The following CDK14 variants were observed in gnomAD, a reference collection of about 807,000 sequenced individuals.
CDK14 encodes the protein cyclin dependent kinase 14.
CDK14 carries 34 observed loss-of-function variants against 60.7 expected under a neutral mutation model. That is an observed-to-expected ratio of 0.56 (90% CI 0.43 to 0.75). The LOEUF (loss-of-function observed/expected upper bound fraction) is 0.75, where lower values mean the gene tolerates loss of function less well. Among genes scored for constraint, CDK14 ranks in the 30% least tolerant of loss-of-function variants. The probability of loss-of-function intolerance (pLI) is 0.00; values close to 1 mark genes in which losing one functional copy is unlikely to be tolerated. For missense variants in CDK14, 482 were observed against 564.1 expected (o/e 0.85, Z 1.47); for synonymous variants, 197 against 203.7 (o/e 0.97, Z 0.28).
intron 2 of CDK14, among the ~76,000 whole-genome samples, chr7:90,698,498 A>C (rs889265757): frequency 3.9e-5 from 6 of 152,212 alleles, no homozygotes; most frequent in Admixed American, 3.9e-4. Context: ...TGAGTCACCA[A>C]ATTTTAATAA....
chr7:90,672,686 A>T (rs1349341612), intron 2 of CDK14, among the ~76,000 whole-genome samples: 2 of 151,240 alleles, frequency 1.3e-5, no homozygotes, highest in Non-Finnish European at 2.9e-5. Flanking sequence ...CATCTGGCTA[A>T]TTTTTTATTT....
chr7:90,936,057 A>AAAG (rs1006872883), intron 8 of CDK14, among the ~76,000 whole-genome samples: 6 of 152,028 alleles, frequency 3.9e-5, no homozygotes, highest in Non-Finnish European at 5.9e-5. Flanking sequence ...AAAAAAGAAA[A>AAAG]AAGAAGAAGA....
In CDK14 at chr7:90,706,379, T is replaced by G. The variant is rs1249175309; in HGVS notation, c.124-20188T>G. Among the ~76,000 whole-genome samples, 2 of 152,178 alleles carry G rather than the reference T, an allele frequency of 1.3e-5. 1 individual carries two copies. Among genetic ancestry groups the G allele is most frequent in the South Asian group, 4.1e-4 (2 of 4,834 alleles). ...TACCCATCCATTTCCACTCTACATA[T>G]GTCCACAGAATTTGTTTGAACTTCT... On this transcript the variant is annotated intron_variant, in intron 2 of 14. Transcript: ENST00000380050.
At chr7:90,759,034 T>G (rs1485224992) in intron 4 of CDK14, among the ~76,000 whole-genome samples, 4 of 142,602 alleles carry the variant, frequency 2.8e-5, no homozygotes, top group African/African-American at 1.1e-4. Flanking sequence ...CCAGCCTGGG[T>G]GACAGAGCGA....
At chr7:90,927,272 C>A (rs1793447441) in intron 8 of CDK14, among the ~76,000 whole-genome samples, 1 of 152,112 alleles carries the variant, frequency 6.6e-6, no homozygotes, top group African/African-American at 2.4e-5. Context: ...CATCCTGAAC[C>A]TATCTAGGGG....
intron 4 of CDK14, among the ~76,000 whole-genome samples, chr7:90,761,201 A>T (rs1218716982): frequency 1.3e-5 from 2 of 152,212 alleles, no homozygotes; most frequent in Non-Finnish European, 2.9e-5. Context: ...TCTCTTAGCC[A>T]TGTTTATTAT....
At chr7:90,877,305 A>T (rs1791594828) in intron 6 of CDK14, among the ~76,000 whole-genome samples, 1 of 152,194 alleles carries the variant, frequency 6.6e-6, no homozygotes, top group Non-Finnish European at 1.5e-5. Context: ...CAGTGTTCTG[A>T]GTTAACATTC....
At chr7:90,778,990 C>A (rs566618816) in intron 4 of CDK14, among the ~76,000 whole-genome samples, 1 of 151,520 alleles carries the variant, frequency 6.6e-6, no homozygotes, top group East Asian at 1.9e-4. Context: ...CGGTGGCTCA[C>A]GTCTGTAATC....
intron 5 of CDK14, among the ~76,000 whole-genome samples, chr7:90,846,301 C>T (rs891626374): frequency 1.3e-5 from 2 of 152,130 alleles, no homozygotes; most frequent in Non-Finnish European, 2.9e-5. Flanking sequence ...TTCTCCATTG[C>T]TCTAATATTT....
At chr7:90,846,781 C>T (rs1420264860) in intron 5 of CDK14, among the ~76,000 whole-genome samples, 1 of 152,070 alleles carries the variant, frequency 6.6e-6, no homozygotes, top group Non-Finnish European at 1.5e-5. Context: ...GGATGAAAAT[C>T]ACCTGAATAA....
At chr7:90,717,763 G>C (rs1802300865) in intron 2 of CDK14, among the ~76,000 whole-genome samples, 1 of 151,964 alleles carries the variant, frequency 6.6e-6, no homozygotes, top group African/African-American at 2.4e-5. Context: ...CTTATAATTA[G>C]TAAAACAATC....
chr7:91,028,810 G>A (rs909143897), intron 10 of CDK14, among the ~76,000 whole-genome samples: 1 of 151,988 alleles, frequency 6.6e-6, no homozygotes, highest in African/African-American at 2.4e-5. Context: ...TTTGCTGGCT[G>A]TCTTGTTGGA....
At chr7:90,662,631 G>A (rs1356236435) in intron 2 of CDK14, among the ~76,000 whole-genome samples, 1 of 152,216 alleles carries the variant, frequency 6.6e-6, no homozygotes, top group East Asian at 1.9e-4. Flanking sequence ...GAAATGCAAG[G>A]ATGCTATGAG....
intron 6 of CDK14, among the ~76,000 whole-genome samples, chr7:90,881,396 G>GA (rs1180237443): frequency 3.3e-5 from 5 of 151,266 alleles, no homozygotes; most frequent in African/African-American, 4.9e-5. Context: ...CAAGAATAGA[G>GA]AAAAAAAATG....
intron 6 of CDK14, among the ~76,000 whole-genome samples, chr7:90,884,061 C>G (rs552187746): frequency 6.6e-6 from 1 of 152,224 alleles, no homozygotes; most frequent in African/African-American, 2.4e-5. Flanking sequence ...CACTCCTATT[C>G]AATATAGTGT....
intron 7 of CDK14, among the ~76,000 whole-genome samples, chr7:90,904,011 A>G (rs908331992): frequency 6.6e-6 from 1 of 152,030 alleles, no homozygotes; most frequent in African/African-American, 2.4e-5. Flanking sequence ...TGTACTTGCC[A>G]GCAATCCTAG....
At chr7:90,881,675 G>C (rs974231485) in intron 6 of CDK14, among the ~76,000 whole-genome samples, 1 of 152,046 alleles carries the variant, frequency 6.6e-6, no homozygotes, top group Non-Finnish European at 1.5e-5. Flanking sequence ...AATTGTTAAG[G>C]GCAGCCAGGG....
chr7:91,016,511 A>C (rs1360910049), intron 10 of CDK14, among the ~76,000 whole-genome samples: 1 of 152,176 alleles, frequency 6.6e-6, no homozygotes, highest in East Asian at 1.9e-4. Context: ...CTAGACTATC[A>C]ACCTCTTTTG....
At chr7:90,955,074 A>G (rs1794372221) in intron 8 of CDK14, among the ~76,000 whole-genome samples, 1 of 152,114 alleles carries the variant, frequency 6.6e-6, no homozygotes, top group Non-Finnish European at 1.5e-5. Context: ...TTAATTTATC[A>G]TATATAATCT....
Sources: gnomAD v4.1 joint callset for allele counts (sites outside exome capture counted in the v4.1 genomes callset) on GRCh38, gnomAD v4.1.1 for gene constraint, MANE v1.5 for transcripts, NCBI Gene and HGNC (gene_info 2026-07-23, HGNC 2026-07-21) for gene names.